The following NRG4 variants were observed in gnomAD, a reference collection of about 807,000 sequenced individuals.
NRG4 encodes neuregulin 4.
NRG4 carries 10 observed loss-of-function variants against 15.0 expected under a neutral mutation model. The ratio of observed to expected loss-of-function variants is 0.67; its 90% CI spans 0.41 to 1.13. The LOEUF (loss-of-function observed/expected upper bound fraction) is 1.13. Ranked by LOEUF, NRG4 falls within the 50% of genes most tolerant of loss-of-function variation. The probability of loss-of-function intolerance (pLI) is 0.00; values close to 1 mark genes in which losing one functional copy is unlikely to be tolerated. For missense variants in NRG4, 139 were observed against 140.2 expected (o/e 0.99, Z 0.04); for synonymous variants, 41 against 50.1 (o/e 0.82, Z 0.77).
intron 3 of NRG4, chr15:75,971,098 C>CA (rs2033069190): frequency 1.7e-5 from 5 of 297,124 alleles, no homozygotes; most frequent in South Asian, 1.5e-4. Context: ...TATAATAAAA[C>CA]AGATTGCCCT....
chr15:75,954,264 T>A (rs2032089854), intron 5 of NRG4, among the ~76,000 whole-genome samples: 2 of 149,418 alleles, frequency 1.3e-5, no homozygotes, highest in Admixed American at 1.3e-4. Context: ...TTTGTTTTTT[T>A]GTTTTTTTTT....
rs2031186330 is a variant in NRG4, at chr15:75,943,284, G to GT, written c.*353dup. 1 of 211,972 alleles carries GT rather than the reference G, an allele frequency of 4.7e-6. No individual in the cohort carries two copies. Among genetic ancestry groups the GT allele is most frequent in the South Asian group, 1.8e-4 (1 of 5,694 alleles). The allele number at this position is 211,972 out of a possible 1,614,324, so 13.1% of individuals were successfully genotyped here. A position where few individuals can be genotyped will look rare whatever the true frequency, so the allele number is the denominator to read the frequency against. On this transcript the variant is annotated 3_prime_UTR_variant, in exon 6 of 6. Coordinates refer to ENST00000394907, the MANE Select transcript of NRG4 (RefSeq NM_138573.4). ...GCCAGCTACTCCTTGCATTTAAAGG[G>GT]TTTTCATCCTTTTTCATAAGATCTT...
At chr15:75,975,833 G>A (rs1324000496) in intron 3 of NRG4, among the ~76,000 whole-genome samples, 1 of 151,862 alleles carries the variant, frequency 6.6e-6, no homozygotes, top group East Asian at 1.9e-4. Context: ...TATGTGTCTT[G>A]GGGTTGCTCT....
At chr15:76,050,444 T>G (rs952299801) in intron 4 of NRG4, among the ~76,000 whole-genome samples, 1 of 136,570 alleles carries the variant, frequency 7.3e-6, no homozygotes, top group Non-Finnish European at 1.5e-5. Flanking sequence ...TTCGTTTTTT[T>G]TTTTTTTTTT....
chr15:76,056,893 T>G (rs941257905), intron 2 of NRG4: 8 of 152,236 alleles, frequency 5.3e-5, no homozygotes, highest in African/African-American at 1.9e-4. Context: ...AATTTTCCAT[T>G]TATGTGATCC....
intron 3 of NRG4, among the ~76,000 whole-genome samples, chr15:75,994,246 T>C (rs1199515741): frequency 6.6e-6 from 1 of 152,226 alleles, no homozygotes; most frequent in Non-Finnish European, 1.5e-5. Flanking sequence ...ACCTGGGCTA[T>C]CTGGAGTCCT....
chr15:75,950,182 G>A (rs1503954), intron 5 of NRG4, among the ~76,000 whole-genome samples: 150,518 of 152,276 alleles, frequency 0.99, 74,411 homozygotes, highest in East Asian at 1. Context: ...TAGGCCTTTC[G>A]TATTTTTGTC....
chr15:76,014,633 T>C (rs1448050275), upstream of NRG4, among the ~76,000 whole-genome samples: 1 of 152,230 alleles, frequency 6.6e-6, no homozygotes, highest in African/African-American at 2.4e-5. Flanking sequence ...TTGTCAGGTT[T>C]GTCAAAGATC....
At chr15:75,971,665 C>T (rs2033097912) in intron 3 of NRG4, among the ~76,000 whole-genome samples, 1 of 152,074 alleles carries the variant, frequency 6.6e-6, no homozygotes. Context: ...TAAGTAAGTT[C>T]TTATGTAATT....
intron 2 of NRG4, among the ~76,000 whole-genome samples, chr15:76,055,607 T>C (rs1311938675): frequency 1.3e-5 from 2 of 152,202 alleles, no homozygotes; most frequent in Non-Finnish European, 2.9e-5. Flanking sequence ...AGGACAATTG[T>C]ATGAGTGGGA....
intron 3 of NRG4, among the ~76,000 whole-genome samples, chr15:75,978,457 C>A (rs1361996316): frequency 1.3e-5 from 2 of 152,146 alleles, no homozygotes; most frequent in Non-Finnish European, 2.9e-5. Context: ...TTGATGGACA[C>A]TTAGGTTAAT....
intron 3 of NRG4, among the ~76,000 whole-genome samples, chr15:75,994,683 A>C (rs1296261086): frequency 6.6e-6 from 1 of 152,240 alleles, no homozygotes; most frequent in African/African-American, 2.4e-5. Flanking sequence ...TATCTTACAG[A>C]ATTTAAAAAT....
chr15:75,966,682 A>C (rs2032809645), intron 3 of NRG4, among the ~76,000 whole-genome samples: 2 of 152,216 alleles, frequency 1.3e-5, no homozygotes, highest in African/African-American at 4.8e-5. Flanking sequence ...AGAAAGTCTA[A>C]TACTGGCATA....
chr15:75,965,997 C>T (rs2032774425), intron 3 of NRG4, among the ~76,000 whole-genome samples: 1 of 152,188 alleles, frequency 6.6e-6, no homozygotes. Flanking sequence ...TAAAGGATCA[C>T]CCATGTTTTC....
chr15:76,009,842 G>A lies in NRG4; in HGVS notation c.11-549C>T, dbSNP rs191407703. On this transcript the variant is annotated intron_variant, in intron 2 of 5. Transcript: ENST00000394907. ...AACTTATAAGGTGTTGATTTGCAAA[G>A]TGTTTTAGGTAACAGTTACTAACCA... Among the ~76,000 whole-genome samples the A allele has an allele frequency of 5.5e-3, 841 of 152,216 alleles. 5 individuals are homozygous for A. The highest frequency in any genetic ancestry group is 9.1e-3 in the Non-Finnish European group (619 of 67,984).
At chr15:76,042,469 A>C (rs2035767444) in intron 4 of NRG4, among the ~76,000 whole-genome samples, 1 of 152,150 alleles carries the variant, frequency 6.6e-6, no homozygotes, top group Non-Finnish European at 1.5e-5. Flanking sequence ...GAGGTGAAAA[A>C]GGAGACATTA....
At chr15:76,018,748 G>C (rs1234467031) in intron 5 of NRG4, among the ~76,000 whole-genome samples, 2 of 152,308 alleles carry the variant, frequency 1.3e-5, no homozygotes, top group East Asian at 3.9e-4. Flanking sequence ...GAGCTCTCCT[G>C]TATGAGGTGT....
chr15:76,018,860 T>G (rs1451054401), intron 5 of NRG4, among the ~76,000 whole-genome samples: 2 of 152,200 alleles, frequency 1.3e-5, no homozygotes, highest in Non-Finnish European at 2.9e-5. Flanking sequence ...GATGCTGTGC[T>G]TAGAGATCCA....
At position 75,943,529 on chromosome 15, in the gene NRG4, GT is replaced by G; in HGVS notation, c.*108del. On this transcript the variant is annotated 3_prime_UTR_variant, in exon 6 of 6. Coordinates refer to ENST00000394907, the MANE Select transcript of NRG4 (RefSeq NM_138573.4). ...GGTTCATGATACGAGTTACACAAGC[GT>G]TTTATTTAAGAAATAAAGGATTAGA... The G allele has an allele frequency of 1.4e-6, 1 of 719,884 alleles. No individual in the cohort carries two copies. The allele number at this position is 719,884 out of a possible 1,614,324, so 44.6% of individuals were successfully genotyped here.
Sources: gnomAD v4.1 joint callset for allele counts (sites outside exome capture counted in the v4.1 genomes callset) on GRCh38, gnomAD v4.1.1 for gene constraint, MANE v1.5 for transcripts, NCBI Gene and HGNC (gene_info 2026-07-23, HGNC 2026-07-21) for gene names.